Variants in TTC19 observed in about 807,000 individuals in gnomAD.
TTC19 encodes tetratricopeptide repeat protein 19, mitochondrial.
TTC19 carries 38 observed loss-of-function variants against 49.5 expected under a neutral mutation model. That is an observed-to-expected ratio of 0.77 (90% CI 0.59 to 1.01). TTC19 has a LOEUF of 1.01. TTC19 is among the 50% of genes least tolerant of loss of function. The pLI is 0.00. For synonymous variants in TTC19, 204 were observed against 185.2 expected (o/e 1.10, Z -0.83); for missense variants, 475 against 477.7 (o/e 0.99, Z 0.05).
intron 7 of TTC19, among the ~76,000 whole-genome samples, chr17:16,017,061 ATATT>A (rs778159524): frequency 3.3e-5 from 5 of 152,302 alleles, no homozygotes; most frequent in East Asian, 1.9e-4. Context: ...TCTCATAGAT[ATATT>A]TATTTGTTAC....
intron 7 of TTC19, among the ~76,000 whole-genome samples, chr17:16,016,423 T>C (rs1486107281): frequency 6.6e-6 from 1 of 152,224 alleles, no homozygotes. Flanking sequence ...CTGGAGAATG[T>C]TGTATGTGCA....
At chr17:16,000,347 G>T (rs1450934259) in intron 2 of TTC19, 102 bp downstream of exon 2, 2 of 1,538,144 alleles carry the variant, frequency 1.3e-6, no homozygotes, top group Non-Finnish European at 1.7e-6. Flanking sequence ...CCGAAGAGTG[G>T]ATGGAGGCTC....
chr17:16,033,088 G>A (rs984001742), downstream of TTC19, among the ~76,000 whole-genome samples: 13 of 152,180 alleles, frequency 8.5e-5, no homozygotes, highest in Non-Finnish European at 1.0e-4. Flanking sequence ...GCTCACGCCT[G>A]TAATCCCAGC....
chr17:15,999,954 C>T lies in TTC19; in HGVS notation c.106C>T (p.Pro36Ser). The T allele has an allele frequency of 1.5e-6, 2 of 1,321,926 alleles. No homozygotes were observed. Among genetic ancestry groups the T allele is most frequent in the African/African-American group, 1.5e-5 (1 of 64,668 alleles). The allele number at this position is 1,321,926 out of a possible 1,614,324, so 81.9% of individuals were successfully genotyped here. ...ARLLPGLAGG[P>S]GPEVQVPPSR... ...CCTGCTCCCGGGGCTGGCAGGAGGT[C>T]CGGGGCCCGAGGTGCAGGTGCCGCC... The change falls in exon 1 of 10, where the codon CCG becomes TCG. Residue 36 changes from proline to serine, a missense_variant. Pro to Ser is a moderately conservative substitution (Grantham distance 74). Coordinates refer to ENST00000261647, the MANE Select transcript of TTC19 (RefSeq NM_017775.4).
At chr17:16,032,052 C>T (rs1039598045), downstream of TTC19, 1 of 461,684 alleles carries the variant, frequency 2.2e-6, no homozygotes, top group African/African-American at 2.0e-5. Flanking sequence ...CTCTACATCT[C>T]AACCCTCCAC....
In TTC19 at chr17:16,027,887, G is replaced by A. The variant is rs1328111548; in HGVS notation, c.*365G>A. ...CATTTCTACCATAAGTTTTTGGTCTGCTGATTTGCTGCCCTGTCTTCTCTT... is the reference window on the plus strand; with the variant it reads ...CATTTCTACCATAAGTTTTTGGTCTACTGATTTGCTGCCCTGTCTTCTCTT... On this transcript the variant is annotated 3_prime_UTR_variant, in exon 10 of 10. Coordinates refer to ENST00000261647, the MANE Select transcript of TTC19 (RefSeq NM_017775.4). 5 of 462,632 alleles carry A rather than the reference G, an allele frequency of 1.1e-5. No homozygotes were observed. The highest frequency in any genetic ancestry group is 6.7e-4 in the Middle Eastern group (1 of 1,498). The allele number at this position is 462,632 out of a possible 1,614,324, so 28.7% of individuals were successfully genotyped here. A position where few individuals can be genotyped will look rare whatever the true frequency, so the allele number is the denominator to read the frequency against.
rs374666326 is a variant in TTC19, at chr17:16,001,911, T to C, written c.313-4T>C. 368 of 1,604,504 alleles carry C rather than the reference T, an allele frequency of 2.3e-4. No homozygotes were observed. The highest frequency in any genetic ancestry group is 3.0e-4 in the Non-Finnish European group (354 of 1,172,052). On this transcript the variant is annotated splice_polypyrimidine_tract_variant and splice_region_variant and intron_variant, in intron 2 of 9. Coordinates refer to ENST00000261647, the MANE Select transcript of TTC19 (RefSeq NM_017775.4). ...TTTTCTATTATTTTGTCTTCCCTTT[T>C]CAGTTGAGCATTATGAAAGATGAGC...
chr17:16,022,470 G>A (rs557493898), intron 7 of TTC19, among the ~76,000 whole-genome samples: 43 of 152,258 alleles, frequency 2.8e-4, no homozygotes, highest in Non-Finnish European at 5.4e-4. Flanking sequence ...GAAATTTCAG[G>A]ATATTCTTGG....
At chr17:16,013,510 T>G (rs1042924301) in intron 7 of TTC19, among the ~76,000 whole-genome samples, 10 of 152,230 alleles carry the variant, frequency 6.6e-5, no homozygotes, top group African/African-American at 2.4e-4. Flanking sequence ...CTTTTATTTC[T>G]AAACAGTTTT....
chr17:16,041,746 T>C (rs1302843254), intron 2 of TTC19, among the ~76,000 whole-genome samples: 1 of 149,340 alleles, frequency 6.7e-6, no homozygotes, highest in African/African-American at 2.5e-5. Context: ...TATTAATTAA[T>C]TTATTTTTAA....
At chr17:16,039,272 G>A (rs963093121) in intron 2 of TTC19, 5 of 653,824 alleles carry the variant, frequency 7.6e-6, no homozygotes, top group Admixed American at 2.9e-5. Context: ...TAATGTCTGG[G>A]TAGGTTTTCA....
chr17:16,024,125 T>C (rs1971468957), intron 7 of TTC19: 1 of 152,228 alleles, frequency 6.6e-6, no homozygotes, highest in African/African-American at 2.4e-5. Context: ...TACCGTTCTC[T>C]AGATCTGTGT....
At chr17:16,011,882 GGTTT>G (rs774391468) in intron 7 of TTC19, among the ~76,000 whole-genome samples, 5 of 152,076 alleles carry the variant, frequency 3.3e-5, no homozygotes, top group South Asian at 2.1e-4. Flanking sequence ...GCTCAAAAAG[GGTTT>G]GTTAGTGGTT....
At chr17:16,034,395 C>A (rs529713509), downstream of TTC19, among the ~76,000 whole-genome samples, 1 of 152,034 alleles carries the variant, frequency 6.6e-6, no homozygotes, top group African/African-American at 2.4e-5. Context: ...TCGAGACCAG[C>A]CTGGGCAACG....
intron 2 of TTC19, among the ~76,000 whole-genome samples, chr17:16,037,085 G>A (rs897936911): frequency 5.3e-5 from 8 of 152,158 alleles, no homozygotes; most frequent in South Asian, 2.1e-4. Context: ...TTAATTGGCC[G>A]AATTTGAATA....
At chr17:16,022,054 G>C (rs921418294) in intron 7 of TTC19, among the ~76,000 whole-genome samples, 3 of 151,576 alleles carry the variant, frequency 2.0e-5, no homozygotes, top group African/African-American at 4.8e-5. Context: ...AGGCTGGAGT[G>C]GTGCAATTTT....
chr17:16,025,332 T>C (rs936920185), intron 8 of TTC19, among the ~76,000 whole-genome samples, 161 bp downstream of exon 8: 2 of 152,198 alleles, frequency 1.3e-5, no homozygotes, highest in African/African-American at 4.8e-5. Flanking sequence ...TCACCCCAAC[T>C]ACTTGTTTCA....
chr17:16,033,336 C>CAAAA (rs59285422), downstream of TTC19, among the ~76,000 whole-genome samples: 4,964 of 57,052 alleles, frequency 0.087, 150 homozygotes, highest in African/African-American at 0.17. Flanking sequence ...ACTCCGTCTC[C>CAAAA]AAAAAAAAAA....
At chr17:16,026,518 T>A (rs1275937460) in intron 8 of TTC19, 22 bp from the exon 9 acceptor site, 2 of 1,612,492 alleles carry the variant, frequency 1.2e-6, no homozygotes, top group African/African-American at 1.3e-5. Context: ...AAAGAAAAAA[T>A]TGTTTTTTCT....
Sources: gnomAD v4.1 joint callset for allele counts (sites outside exome capture counted in the v4.1 genomes callset) on GRCh38, gnomAD v4.1.1 for gene constraint, MANE v1.5 for transcripts, NCBI Gene and HGNC (gene_info 2026-07-23, HGNC 2026-07-21) for gene names.